The following FSD1L variants were observed in gnomAD, a reference collection of about 807,000 sequenced individuals.
FSD1L encodes FSD1-like protein.
In FSD1L, 45 loss-of-function variants were observed where a neutral mutation model predicts 71.6. The ratio of observed to expected loss-of-function variants is 0.63; its 90% confidence interval spans 0.49 to 0.81. FSD1L has a LOEUF of 0.81. Among genes scored for constraint, FSD1L ranks in the 30% least tolerant of loss-of-function variants. FSD1L has a pLI of 0.00. For missense variants in FSD1L, 561 were observed against 618.1 expected (o/e 0.91, Z 0.98); for synonymous variants, 197 against 207.2 (o/e 0.95, Z 0.42).
chr9:105,499,276 C>T (rs1247555679), intron 7 of FSD1L, among the ~76,000 whole-genome samples: 1 of 152,154 alleles, frequency 6.6e-6, no homozygotes, highest in Non-Finnish European at 1.5e-5. Flanking sequence ...ACAGATACAC[C>T]ACACACATTC....
chr9:105,515,364 G>C (rs1389638766), intron 10 of FSD1L, among the ~76,000 whole-genome samples: 3 of 152,180 alleles, frequency 2.0e-5, no homozygotes, highest in Non-Finnish European at 1.5e-5. Flanking sequence ...GCATTCTTAG[G>C]AAGAAAGATG....
intron 1 of FSD1L, 61 bp downstream of exon 1, chr9:105,448,296 G>C: frequency 1.4e-6 from 2 of 1,448,518 alleles, no homozygotes; most frequent in Non-Finnish European, 1.8e-6. Flanking sequence ...AGGGTGGGCG[G>C]GGCGCCTGGG....
chr9:105,506,671 T>A lies in FSD1L; in HGVS notation c.796+63T>A, dbSNP rs1834068997. On this transcript the variant is annotated intron_variant, in intron 8 of 13. Transcript: ENST00000481272. The stretch of plus-strand genomic sequence containing the variant: ...GATAAATGTATTGTTGAAAAATATT[T>A]TGAGTTACTTTAAAGAATAAAGTTT... The A allele has an allele frequency of 2.5e-6, 3 of 1,198,870 alleles. No individual in the cohort carries two copies. The African/African-American group carries it at 4.5e-5, about 18-fold the overall frequency. 74.3% of individuals were successfully genotyped at this position (1,198,870 alleles called of 1,614,324 possible).
chr9:105,501,438 G>T (rs981820656), intron 7 of FSD1L, among the ~76,000 whole-genome samples: 1 of 151,544 alleles, frequency 6.6e-6, no homozygotes, highest in African/African-American at 2.4e-5. Flanking sequence ...GTTTTTTATT[G>T]TTTGAGACAG....
chr9:105,512,482 T>C (rs1419562429), intron 9 of FSD1L, among the ~76,000 whole-genome samples: 2 of 152,290 alleles, frequency 1.3e-5, no homozygotes, highest in Admixed American at 6.5e-5. Context: ...AGTCAACTGA[T>C]ATCCTAATAA....
At chr9:105,531,868 G>C (rs1835915103) in intron 10 of FSD1L, among the ~76,000 whole-genome samples, 1 of 152,182 alleles carries the variant, frequency 6.6e-6, no homozygotes, top group Non-Finnish European at 1.5e-5. Flanking sequence ...TATATACCGT[G>C]TTGAAACAAT....
chr9:105,533,416 C>CTTTTTTTCTTTTTTTTTT (rs1836034717), intron 10 of FSD1L, among the ~76,000 whole-genome samples: 1 of 29,070 alleles, frequency 3.4e-5, no homozygotes, highest in Non-Finnish European at 6.0e-5. Context: ...CCATTTCCAT[C>CTTTTTTTCTTTTTTTTTT]TTTTTTTTTT....
chr9:105,546,227 T>A, intron 13 of FSD1L, 131 bp from the exon 14 acceptor site: 1 of 770,032 alleles, frequency 1.3e-6, no homozygotes, highest in Non-Finnish European at 1.9e-6. Context: ...TCAGCTGAAA[T>A]ATGACAGTTA....
intron 3 of FSD1L, among the ~76,000 whole-genome samples, chr9:105,465,750 G>A (rs1831021321): frequency 6.6e-6 from 1 of 152,188 alleles, no homozygotes. Flanking sequence ...TAGAAGGAAT[G>A]TACCACAACA....
chr9:105,525,769 G>C (rs1835468708), intron 10 of FSD1L: 19 of 1,604,700 alleles, frequency 1.2e-5, no homozygotes, highest in Non-Finnish European at 1.5e-5. Flanking sequence ...TTTTGTAGCT[G>C]GTCTTGGTTT....
chr9:105,478,088 C>A, intron 5 of FSD1L, among the ~76,000 whole-genome samples: 1 of 152,020 alleles, frequency 6.6e-6, no homozygotes, highest in Non-Finnish European at 1.5e-5. Context: ...AATAAAAATA[C>A]AAAAAAATTT....
In FSD1L at chr9:105,452,628, C is replaced by CGCCTGCCTGCCT. The variant is rs530990124; in HGVS notation, c.15+4426_15+4437dup. On this transcript the variant is annotated intron_variant, in intron 1 of 13. Coordinates refer to ENST00000481272, the MANE Select transcript of FSD1L (RefSeq NM_001145313.3). ...TCCCTCCCTCCTGTGGGCGCTCGCT[C>CGCCTGCCTGCCT]GCCTGCCTGCCTGCCTGCCTGCCTG... Among the ~76,000 whole-genome samples the CGCCTGCCTGCCT allele has an allele frequency of 4.5e-3, 556 of 124,368 alleles. 9 individuals are homozygous for CGCCTGCCTGCCT. Among genetic ancestry groups the CGCCTGCCTGCCT allele is most frequent in the African/African-American group, 6.9e-3 (211 of 30,536 alleles). The allele number at this position is 124,368 out of a possible 152,430, so 81.6% of individuals were successfully genotyped here.
rs1554705301 is a variant in FSD1L, at chr9:105,485,533, G to GGTTT, written c.586+1031_586+1032insGTTT. Among the ~76,000 whole-genome samples, 60 of 79,400 alleles carry GGTTT rather than the reference G, an allele frequency of 7.6e-4. 1 individual carries two copies. Among genetic ancestry groups the GGTTT allele is most frequent in the Admixed American group, 1.8e-3 (11 of 6,276 alleles). 52.1% of individuals were successfully genotyped at this position (79,400 alleles called of 152,430 possible). ...TGACTTAACAACCTTTTGGTTAGGT[G>GGTTT]TTTTTTTTTTTTTTTTTTTTTTTGC... On this transcript the variant is annotated intron_variant, in intron 7 of 13. Transcript: ENST00000481272.
At position 105,473,676 on chromosome 9, in the gene FSD1L, A is replaced by T. The variant is rs538803222; in HGVS notation, c.441+1671A>T. Among the ~76,000 whole-genome samples the T allele has an allele frequency of 4.6e-5, 7 of 152,328 alleles. No individual in the cohort carries two copies. The South Asian group carries it at 6.2e-4, about 14-fold the overall frequency. On this transcript the variant is annotated intron_variant, in intron 5 of 13. Transcript: ENST00000481272. ...AAGACAGGAAAACTATAGAATGTGGACACTAATACTCAAAAATGCCTTGAA... is the reference window on the plus strand; with the variant it reads ...AAGACAGGAAAACTATAGAATGTGGTCACTAATACTCAAAAATGCCTTGAA...
intron 10 of FSD1L, chr9:105,526,027 G>A: frequency 2.0e-6 from 3 of 1,509,640 alleles, no homozygotes. Flanking sequence ...CACAGAATTT[G>A]GTGATGTCCT....
At chr9:105,471,184 A>G (rs1429604666) in intron 4 of FSD1L, among the ~76,000 whole-genome samples, 1 of 152,206 alleles carries the variant, frequency 6.6e-6, no homozygotes, top group Non-Finnish European at 1.5e-5. Context: ...ATCAAGTACC[A>G]AAAAGTCTTT....
At chr9:105,528,937 A>G (rs1376414324) in intron 10 of FSD1L, among the ~76,000 whole-genome samples, 1 of 152,254 alleles carries the variant, frequency 6.6e-6, no homozygotes. Context: ...ATTTACAAGA[A>G]AAAAACAACC....
intron 7 of FSD1L, among the ~76,000 whole-genome samples, chr9:105,499,689 G>C (rs1833650112): frequency 6.6e-6 from 1 of 151,164 alleles, no homozygotes; most frequent in African/African-American, 2.4e-5. Flanking sequence ...TTTGGTTGAT[G>C]TTCCCTGAGC....
chr9:105,551,962 G>A lies in FSD1L; in HGVS notation c.*5479G>A, dbSNP rs766492050. The A allele has an allele frequency of 2.0e-5, 3 of 152,128 alleles. No homozygotes were observed. Among genetic ancestry groups the A allele is most frequent in the Non-Finnish European group, 4.4e-5 (3 of 67,996 alleles). 9.4% of individuals were successfully genotyped at this position (152,128 alleles called of 1,614,324 possible). ...TAACCACTGAACATTTGACAACTTT[G>A]TTGCATTATCATTTTTAAAAAAAGA... On this transcript the variant is annotated 3_prime_UTR_variant, in exon 14 of 14. Coordinates refer to ENST00000481272, the MANE Select transcript of FSD1L (RefSeq NM_001145313.3).
Sources: gnomAD v4.1 joint callset for allele counts (sites outside exome capture counted in the v4.1 genomes callset) on GRCh38, gnomAD v4.1.1 for gene constraint, MANE v1.5 for transcripts, NCBI Gene and HGNC (gene_info 2026-07-23, HGNC 2026-07-21) for gene names.